The following RABGEF1 variants were observed in gnomAD, a reference collection of about 807,000 sequenced individuals.
RABGEF1 encodes the protein RAB guanine nucleotide exchange factor 1.
In RABGEF1, 26 loss-of-function variants were observed where a neutral mutation model predicts 57.3. The observed-to-expected ratio is 0.45, with a 90% CI of 0.33 to 0.63. RABGEF1 has a LOEUF of 0.63. RABGEF1 is among the 20% of genes least tolerant of loss of function. RABGEF1 has a pLI of 0.02. For missense variants in RABGEF1, 464 were observed against 607.6 expected, an observed-to-expected ratio of 0.76 and a Z score of 2.48; for synonymous variants, 185 against 210.7, an observed-to-expected ratio of 0.88 and a Z score of 1.06.
At chr7:66,732,750 G>A (rs568577429) in intron 2 of RABGEF1, among the ~76,000 whole-genome samples, 1 of 151,416 alleles carries the variant, frequency 6.6e-6, no homozygotes, top group East Asian at 1.9e-4. Context: ...TGTCTCTCTC[G>A]CTCTCTTGCT....
upstream of RABGEF1, among the ~76,000 whole-genome samples, chr7:66,680,739 G>A (rs953921194): frequency 2.0e-5 from 3 of 152,070 alleles, no homozygotes; most frequent in Non-Finnish European, 4.4e-5. Flanking sequence ...TTGAGGTCAG[G>A]AGTACTAGAC....
At chr7:66,731,949 C>CCCCCCAG (rs917950316) in intron 2 of RABGEF1, among the ~76,000 whole-genome samples, 3 of 152,178 alleles carry the variant, frequency 2.0e-5, no homozygotes, top group Non-Finnish European at 2.9e-5. Flanking sequence ...TCCATCCACT[C>CCCCCCAG]CCCCCAGGGC....
intron 1 of RABGEF1, among the ~76,000 whole-genome samples, chr7:66,767,588 A>T (rs1806060148): frequency 6.6e-6 from 1 of 152,162 alleles, no homozygotes; most frequent in Admixed American, 6.5e-5. Context: ...CTAAACCACA[A>T]GGTGTTGCTA....
intron 1 of RABGEF1, among the ~76,000 whole-genome samples, chr7:66,752,745 AGTACTCTGT>A (rs1392770794): frequency 6.6e-6 from 1 of 152,226 alleles, no homozygotes. Context: ...GGTGGGACCC[AGTACTCTGT>A]GTTTTAACTA....
the RABGEF1 span, among the ~76,000 whole-genome samples, chr7:66,657,488 A>G: frequency 1.3e-5 from 2 of 152,226 alleles, no homozygotes; most frequent in African/African-American, 2.4e-5. Flanking sequence ...AAGTTAAAGC[A>G]GCGTTCAGAG....
intron 1 of RABGEF1, among the ~76,000 whole-genome samples, chr7:66,701,846 T>G (rs1235712718): frequency 6.6e-6 from 1 of 152,190 alleles, no homozygotes; most frequent in Non-Finnish European, 1.5e-5. Context: ...ACTATTTTCT[T>G]ATAAGTCTGT....
intron 7 of RABGEF1, among the ~76,000 whole-genome samples, chr7:66,799,723 G>A (rs893986628): frequency 5.9e-5 from 9 of 151,630 alleles, no homozygotes; most frequent in African/African-American, 2.2e-4. Context: ...TTATTCAGCT[G>A]ACTGTTCCAT....
chr7:66,741,794 A>G (rs1799018360), intron 1 of RABGEF1, among the ~76,000 whole-genome samples: 2 of 151,932 alleles, frequency 1.3e-5, no homozygotes, highest in Non-Finnish European at 2.9e-5. Flanking sequence ...GGCCTCCCAG[A>G]GTGTTGGGAT....
At chr7:66,715,252 C>T (rs148469494) in intron 2 of RABGEF1, among the ~76,000 whole-genome samples, 246 of 152,162 alleles carry the variant, frequency 1.6e-3, no homozygotes, top group African/African-American at 5.6e-3. Flanking sequence ...TTTAGTCTCC[C>T]GAGTAGCTGG....
At chr7:66,782,652 TG>T (rs1810228562) in intron 3 of RABGEF1, among the ~76,000 whole-genome samples, 1 of 151,896 alleles carries the variant, frequency 6.6e-6, no homozygotes, top group African/African-American at 2.4e-5. Flanking sequence ...TCTTACTTTC[TG>T]TAGAGAGAGC....
intron 6 of RABGEF1, among the ~76,000 whole-genome samples, chr7:66,797,978 A>G (rs1786392568): frequency 6.6e-6 from 1 of 152,130 alleles, no homozygotes; most frequent in African/African-American, 2.4e-5. Flanking sequence ...TTAGCCAGGC[A>G]TGGTGGCGCA....
chr7:66,772,143 C>T (rs1807304173), intron 2 of RABGEF1, 65 bp downstream of exon 2: 2 of 1,246,514 alleles, frequency 1.6e-6, no homozygotes, highest in Non-Finnish European at 2.1e-6. Flanking sequence ...CTGTCACCGT[C>T]TAAATACATT....
chr7:66,660,617 G>C, the RABGEF1 span, among the ~76,000 whole-genome samples: 1 of 151,746 alleles, frequency 6.6e-6, no homozygotes, highest in Non-Finnish European at 1.5e-5. Context: ...TGGGGGACAA[G>C]AGCGAGACTT....
chr7:66,709,911 T>G lies in RABGEF1; in HGVS notation c.-872-2256T>G, dbSNP rs1377648125. The stretch of plus-strand genomic sequence containing the variant: ...GGTATACCCAACCCTCACACCACAA[T>G]GCAAAAGTAACATTAATTAACACAG... On this transcript the variant is annotated intron_variant and NMD_transcript_variant, in intron 1 of 9. Transcript: ENST00000607882. Among the ~76,000 whole-genome samples the G allele has an allele frequency of 2.0e-5, 3 of 152,176 alleles. No individual in the cohort carries two copies. The East Asian group carries it at 5.8e-4, about 29-fold the overall frequency.
intron 2 of RABGEF1, among the ~76,000 whole-genome samples, chr7:66,726,149 C>T (rs1796565994): frequency 6.6e-6 from 1 of 152,226 alleles, no homozygotes; most frequent in African/African-American, 2.4e-5. Flanking sequence ...TCCCAAAGCA[C>T]CCAGCCTGGG....
chr7:66,800,277 G>T (rs1204366114), intron 7 of RABGEF1, among the ~76,000 whole-genome samples: 2 of 152,214 alleles, frequency 1.3e-5, no homozygotes, highest in African/African-American at 2.4e-5. Context: ...GGGTTATAAA[G>T]GAGGTGGAGT....
rs529210037 is a variant in RABGEF1 at position 66,727,584 on chromosome 7, A to G, written c.-814-12412A>G. ...GAGAGATGAGATGTTTGGTTCTCTG[A>G]GCAGGAAGGGTCAGGAAATTGAGTC... On this transcript the variant is annotated intron_variant and NMD_transcript_variant, in intron 2 of 9. Transcript: ENST00000607882. Among the ~76,000 whole-genome samples the G allele has an allele frequency of 1.3e-3, 202 of 152,340 alleles. 1 individual carries two copies. The highest frequency in any genetic ancestry group is 4.5e-3 in the African/African-American group (187 of 41,586).
rs574510975 is a variant in RABGEF1 at position 66,801,203 on chromosome 7, T to C, written c.820+1789T>C. On this transcript the variant is annotated intron_variant, in intron 7 of 8. Coordinates refer to ENST00000284957, the MANE Select transcript of RABGEF1 (RefSeq NM_014504.3). ...TTAGGACAAGGAGAGTGTCAGGGCC[T>C]GTGGCTGATGGTGGAAGTTTCCCTT... 6.6e-5 allele frequency among the ~76,000 whole-genome samples: 10 copies of C among 152,348 alleles called. No homozygotes were observed. In the East Asian group the frequency reaches 1.9e-3, roughly 29 times the overall value.
At chr7:66,731,861 A>G (rs967885864) in intron 2 of RABGEF1, among the ~76,000 whole-genome samples, 1 of 152,200 alleles carries the variant, frequency 6.6e-6, no homozygotes, top group African/African-American at 2.4e-5. Context: ...CAACTGCCCA[A>G]GGTGCACAGT....
Sources: gnomAD v4.1 joint callset for allele counts (sites outside exome capture counted in the v4.1 genomes callset) on GRCh38, gnomAD v4.1.1 for gene constraint, MANE v1.5 for transcripts, NCBI Gene and HGNC (gene_info 2026-07-23, HGNC 2026-07-21) for gene names.